Variants in BTRC observed in about 807,000 individuals in gnomAD.
The protein encoded by BTRC is F-box/WD repeat-containing protein 1A.
A neutral mutation model predicts 85.5 loss-of-function variants in BTRC; 42 were observed. The observed-to-expected ratio is 0.49, with a 90% CI of 0.38 to 0.64. BTRC has a LOEUF of 0.64. BTRC is among the 30% of genes least tolerant of loss of function. The pLI, the probability that BTRC is intolerant of heterozygous loss-of-function variation, is 0.00. For missense variants in BTRC, 594 were observed against 743.5 expected, an observed-to-expected ratio of 0.80 and a Z score of 2.34; for synonymous variants, 255 against 263.3, an observed-to-expected ratio of 0.97 and a Z score of 0.30.
At chr10:101,464,873 A>G (rs1224859110) in intron 3 of BTRC, among the ~76,000 whole-genome samples, 2 of 151,976 alleles carry the variant, frequency 1.3e-5, no homozygotes. Context: ...GTGTCTGTCT[A>G]TTGTGGTGGT....
Position 101,387,528 on chromosome 10 carries a change from C to CTTTTTTTT in BTRC, c.48+33311_48+33318dup, listed in dbSNP as rs535656002. 9.1e-4 allele frequency among the ~76,000 whole-genome samples: 41 copies of CTTTTTTTT among 45,070 alleles called. 7 individuals carry two copies. Among genetic ancestry groups the CTTTTTTTT allele is most frequent in the South Asian group, 4.9e-3 (4 of 814 alleles). The allele number at this position is 45,070 out of a possible 152,430, so 29.6% of individuals were successfully genotyped here. A position where few individuals can be genotyped will look rare whatever the true frequency, so the allele number is the denominator to read the frequency against. On this transcript the variant is annotated intron_variant, in intron 1 of 14. Coordinates refer to ENST00000370187, the MANE Select transcript of BTRC (RefSeq NM_033637.4). ...TGTGGCTTTTTATACCTTCATGGGA[C>CTTTTTTTT]TTTTTTTTTTTTTTTTTTGAGATAG...
chr10:101,477,069 C>T (rs1295329495), intron 3 of BTRC, among the ~76,000 whole-genome samples: 19 of 152,138 alleles, frequency 1.2e-4, no homozygotes, highest in African/African-American at 3.4e-4. Context: ...CTCTGCCTCC[C>T]GGGTTCAAGC....
intron 2 of BTRC, among the ~76,000 whole-genome samples, chr10:101,434,352 C>T (rs1297252116): frequency 6.6e-6 from 1 of 151,974 alleles, no homozygotes; most frequent in East Asian, 1.9e-4. Context: ...CAGTTTTTTT[C>T]AATAAATTAT....
intron 4 of BTRC, among the ~76,000 whole-genome samples, chr10:101,505,333 A>C (rs1482299414): frequency 6.7e-6 from 1 of 149,344 alleles, no homozygotes; most frequent in East Asian, 2.1e-4. Context: ...AATAAACAGA[A>C]AGATGGCCGG....
chr10:101,508,913 T>TAAAAAACAAAAAAAAAAAAAAA (rs1946612818), intron 4 of BTRC, among the ~76,000 whole-genome samples: 2 of 101,952 alleles, frequency 2.0e-5, no homozygotes, highest in Non-Finnish European at 2.0e-5. Context: ...GACTCCATCT[T>TAAAAAACAAAAAAAAAAAAAAA]AAAAAAAAAA....
chr10:101,439,114 G>C (rs576232647), intron 2 of BTRC, among the ~76,000 whole-genome samples: 3 of 152,322 alleles, frequency 2.0e-5, no homozygotes, highest in Admixed American at 2.0e-4. Flanking sequence ...AGTCAGAAAT[G>C]CATTAGATCA....
At chr10:101,358,298 C>T (rs1243125653) in intron 1 of BTRC, among the ~76,000 whole-genome samples, 1 of 151,806 alleles carries the variant, frequency 6.6e-6, no homozygotes, top group Non-Finnish European at 1.5e-5. Context: ...AGACAAGGGT[C>T]GCCCTTTGTT....
chr10:101,450,957 AT>A (rs1564780870), intron 2 of BTRC, among the ~76,000 whole-genome samples: 1 of 151,998 alleles, frequency 6.6e-6, no homozygotes, highest in Non-Finnish European at 1.5e-5. Context: ...ATGAACTTTC[AT>A]TTTTTTCTCT....
At position 101,521,660 on chromosome 10, in the gene BTRC, T is replaced by A. The variant is rs1251301560; in HGVS notation, c.346T>A (p.Ser116Thr). 1 of 1,614,030 alleles carries A rather than the reference T, an allele frequency of 6.2e-7. No homozygotes were observed. The highest frequency in any genetic ancestry group is 8.5e-7 in the Non-Finnish European group (1 of 1,179,956). The change falls in exon 5 of 15, where the codon TCC (serine) becomes ACC (threonine). Residue 116 changes from serine to threonine, a missense_variant. Coordinates refer to ENST00000370187, the MANE Select transcript of BTRC (RefSeq NM_033637.4). ...VAKTKLANGTSSMIVPKQRKL... is the reference protein window; with the variant it reads ...VAKTKLANGTTSMIVPKQRKL... ...ACAGACAAAACTTGCCAATGGCACT[T>A]CCAGTATGATTGTGCCCAAGCAACG...
chr10:101,387,400 G>A (rs1041793178), intron 1 of BTRC, among the ~76,000 whole-genome samples: 3 of 151,122 alleles, frequency 2.0e-5, no homozygotes, highest in African/African-American at 7.3e-5. Flanking sequence ...CTACAGTGCT[G>A]TAGAACACTA....
intron 4 of BTRC, among the ~76,000 whole-genome samples, chr10:101,511,084 T>C (rs1946690304): frequency 6.6e-6 from 1 of 152,198 alleles, no homozygotes; most frequent in African/African-American, 2.4e-5. Flanking sequence ...TTTCAAAACC[T>C]CCAGGGGCTC....
chr10:101,423,553 A>G (rs890491037), intron 1 of BTRC, among the ~76,000 whole-genome samples: 1 of 152,204 alleles, frequency 6.6e-6, no homozygotes, highest in African/African-American at 2.4e-5. Context: ...TCTCCTTGAA[A>G]TAGAGTGTAA....
intron 1 of BTRC, among the ~76,000 whole-genome samples, chr10:101,385,702 T>C (rs2133969796): frequency 6.9e-6 from 1 of 145,062 alleles, no homozygotes; most frequent in Non-Finnish European, 1.5e-5. Context: ...ACTGAAAATC[T>C]GGTATCACAG....
intron 3 of BTRC, among the ~76,000 whole-genome samples, chr10:101,473,348 G>A (rs1945587545): frequency 6.6e-6 from 1 of 151,286 alleles, no homozygotes; most frequent in African/African-American, 2.4e-5. Flanking sequence ...GCAGTGGCAT[G>A]AACATGGCTC....
intron 13 of BTRC, among the ~76,000 whole-genome samples, chr10:101,541,340 A>G (rs1406832136): frequency 1.3e-5 from 2 of 151,878 alleles, no homozygotes; most frequent in African/African-American, 4.8e-5. Context: ...GCGCACTGCA[A>G]GCTCTGCCTC....
intron 1 of BTRC, among the ~76,000 whole-genome samples, chr10:101,360,481 C>G (rs1564725985): frequency 6.7e-6 from 1 of 149,794 alleles, no homozygotes; most frequent in African/African-American, 2.5e-5. Flanking sequence ...TCAGGCAATT[C>G]TCCTGTCTCA....
intron 1 of BTRC, among the ~76,000 whole-genome samples, chr10:101,380,030 T>C (rs1389488171): frequency 6.6e-6 from 1 of 152,240 alleles, no homozygotes; most frequent in East Asian, 1.9e-4. Context: ...TGTTTATAAC[T>C]GACAATACGA....
At chr10:101,414,675 T>C in intron 1 of BTRC, 1 of 517,998 alleles carries the variant, frequency 1.9e-6, no homozygotes. Flanking sequence ...TGCCATAAGC[T>C]ATGAAGGTAG....
chr10:101,463,776 C>T (rs1945291934), intron 3 of BTRC, among the ~76,000 whole-genome samples: 1 of 152,116 alleles, frequency 6.6e-6, no homozygotes, highest in African/African-American at 2.4e-5. Context: ...CAAAGCGTTT[C>T]TACTTGTGCC....
Sources: gnomAD v4.1 joint callset for allele counts (sites outside exome capture counted in the v4.1 genomes callset) on GRCh38, gnomAD v4.1.1 for gene constraint, MANE v1.5 for transcripts, NCBI Gene and HGNC (gene_info 2026-07-23, HGNC 2026-07-21) for gene names.